Variants in SETBP1 observed in about 807,000 individuals in gnomAD.
SETBP1 encodes SET-binding protein.
Under a neutral mutation model 101.0 loss-of-function variants are expected in SETBP1, and 9 were observed. The observed-to-expected ratio is 0.09, with a 90% CI of 0.05 to 0.16. The LOEUF (loss-of-function observed/expected upper bound fraction) is 0.16, where lower values mean the gene tolerates loss of function less well. Among genes scored for constraint, SETBP1 ranks in the 10% least tolerant of loss-of-function variants. The pLI is 1.00. For synonymous variants in SETBP1, 818 were observed against 788.5 expected, an observed-to-expected ratio of 1.04 and a Z score of -0.63; for missense variants, 1,858 against 2,033.8, an observed-to-expected ratio of 0.91 and a Z score of 1.66.
intron 2 of SETBP1, among the ~76,000 whole-genome samples, chr18:44,836,736 G>A (rs2072502322): frequency 6.6e-6 from 1 of 152,196 alleles, no homozygotes; most frequent in South Asian, 2.1e-4. Context: ...TGAACTTACC[G>A]AGGACTGGGG....
At chr18:44,989,848 G>A (rs1309369147) in intron 4 of SETBP1, among the ~76,000 whole-genome samples, 4 of 110,362 alleles carry the variant, frequency 3.6e-5, no homozygotes, top group Middle Eastern at 7.2e-3. Flanking sequence ...CAGCCTGGGC[G>A]ACAGAGCGAG....
chr18:44,731,690 C>T (rs1301116984), intron 2 of SETBP1, among the ~76,000 whole-genome samples: 1 of 152,060 alleles, frequency 6.6e-6, no homozygotes, highest in Non-Finnish European at 1.5e-5. Context: ...TTATATGCTC[C>T]ATAACCTGAA....
chr18:44,851,137 C>T (rs2072850012), intron 2 of SETBP1, among the ~76,000 whole-genome samples: 1 of 152,152 alleles, frequency 6.6e-6, no homozygotes, highest in African/African-American at 2.4e-5. Flanking sequence ...TCATTATCAT[C>T]ATCAAAAGTT....
intron 3 of SETBP1, among the ~76,000 whole-genome samples, chr18:44,923,742 C>T (rs1348519585): frequency 6.6e-6 from 1 of 152,154 alleles, no homozygotes; most frequent in Non-Finnish European, 1.5e-5. Context: ...ATTACTTAAC[C>T]TCCCCTTATG....
In SETBP1 at chr18:44,952,606, C is replaced by T. The variant is rs766521949; in HGVS notation, c.3266C>T (p.Thr1089Ile). The change falls in exon 4 of 6, where the codon ACA becomes ATA. Residue 1089 changes from threonine to isoleucine, a missense_variant. This residue lies in a region of SETBP1 where 255 missense variants were observed against 300.1 expected (regional missense o/e 0.85). Coordinates refer to ENST00000649279, the MANE Select transcript of SETBP1 (RefSeq NM_015559.3). Reference sequence around the variant, plus strand: ...GCAGCTTCCCCATTCATGAGGCCAACAGTGCCACCACCTCAGTTCCACACA... The same window carrying T: ...GCAGCTTCCCCATTCATGAGGCCAATAGTGCCACCACCTCAGTTCCACACA... ...LGAASPFMRP[T>I]VPPPQFHTNS... 1.8e-5 allele frequency: 29 copies of T among 1,613,356 alleles called. No individual in the cohort carries two copies. The highest frequency in any genetic ancestry group is 2.5e-5 in the Non-Finnish European group (29 of 1,179,596).
chr18:44,770,196 C>T (rs907582866), intron 2 of SETBP1, among the ~76,000 whole-genome samples: 4 of 152,168 alleles, frequency 2.6e-5, no homozygotes, highest in African/African-American at 7.2e-5. Flanking sequence ...AGAAGAGTTT[C>T]TGTGGAAGCA....
intron 5 of SETBP1, among the ~76,000 whole-genome samples, chr18:45,050,467 A>T (rs915669988): frequency 8.5e-5 from 13 of 152,240 alleles, no homozygotes; most frequent in Non-Finnish European, 1.5e-5. Flanking sequence ...GACATAAGGA[A>T]AAACCTCACT....
chr18:44,736,511 G>C (rs943857784), intron 2 of SETBP1, among the ~76,000 whole-genome samples: 1 of 152,154 alleles, frequency 6.6e-6, no homozygotes, highest in Non-Finnish European at 1.5e-5. Flanking sequence ...CTGTCATCTT[G>C]TCTAGAAAAC....
intron 4 of SETBP1, among the ~76,000 whole-genome samples, chr18:44,985,101 A>G (rs2072202411): frequency 6.6e-6 from 1 of 152,188 alleles, no homozygotes; most frequent in African/African-American, 2.4e-5. Flanking sequence ...AGATCATGCC[A>G]TTGCACTCCA....
chr18:44,976,666 A>G (rs1344874444), intron 4 of SETBP1, among the ~76,000 whole-genome samples: 1 of 152,196 alleles, frequency 6.6e-6, no homozygotes, highest in African/African-American at 2.4e-5. Context: ...AGGCTTCCAA[A>G]TTCCCAGACT....
chr18:44,705,918 C>T (rs1040526298), intron 2 of SETBP1, among the ~76,000 whole-genome samples: 1 of 152,174 alleles, frequency 6.6e-6, no homozygotes, highest in African/African-American at 2.4e-5. Flanking sequence ...CTCAAGGATG[C>T]ACGGACTCTT....
intron 3 of SETBP1, among the ~76,000 whole-genome samples, chr18:44,928,819 T>G (rs1168353636): frequency 7.2e-5 from 11 of 152,254 alleles, no homozygotes; most frequent in African/African-American, 2.4e-4. Context: ...CTTTGTAGAT[T>G]CTAGGTATTA....
At chr18:45,059,860 G>A (rs947381295) in intron 5 of SETBP1, among the ~76,000 whole-genome samples, 1 of 152,100 alleles carries the variant, frequency 6.6e-6, no homozygotes, top group Non-Finnish European at 1.5e-5. Flanking sequence ...GGTTGCCTTG[G>A]GGGGAAGTAG....
chr18:44,761,722 A>G (rs1303082944), intron 2 of SETBP1, among the ~76,000 whole-genome samples: 1 of 152,246 alleles, frequency 6.6e-6, no homozygotes, highest in Non-Finnish European at 1.5e-5. Flanking sequence ...TTTATGCCAT[A>G]CACATATTGC....
At chr18:44,700,889 T>G (rs1392361969) in intron 1 of SETBP1, among the ~76,000 whole-genome samples, 1 of 152,224 alleles carries the variant, frequency 6.6e-6, no homozygotes, top group East Asian at 1.9e-4. Flanking sequence ...TAAAGAAACC[T>G]CTAGCTTGCT....
intron 2 of SETBP1, among the ~76,000 whole-genome samples, chr18:44,728,117 C>A (rs1444776705): frequency 1.3e-5 from 2 of 152,234 alleles, no homozygotes; most frequent in African/African-American, 4.8e-5. Flanking sequence ...TATGCTAATT[C>A]TGAGAGACAG....
At chr18:45,036,654 A>G (rs1423328729) in intron 4 of SETBP1, among the ~76,000 whole-genome samples, 1 of 152,196 alleles carries the variant, frequency 6.6e-6, no homozygotes, top group African/African-American at 2.4e-5. Flanking sequence ...AAAAGCATAA[A>G]TGGCATTTTT....
intron 2 of SETBP1, among the ~76,000 whole-genome samples, chr18:44,744,778 A>AAC (rs1555675760): frequency 7.8e-6 from 1 of 128,592 alleles, no homozygotes; most frequent in Non-Finnish European, 1.8e-5. Context: ...TTAAAAAAAA[A>AAC]AAAACAAAAA....
Position 45,063,817 on chromosome 18 carries a change from C to G in SETBP1, c.*119C>G, listed in dbSNP as rs986552999. On this transcript the variant is annotated 3_prime_UTR_variant, in exon 6 of 6. Transcript: ENST00000649279. ...CACCCACGCCCTTCTCTCCAGAAGC[C>G]GGGCAGGCAGAATCCGGCCAGACGA... The G allele has an allele frequency of 1.6e-6, 2 of 1,222,120 alleles. No individual in the cohort carries two copies. The allele number at this position is 1,222,120 out of a possible 1,614,324, so 75.7% of individuals were successfully genotyped here.
Sources: gnomAD v4.1 joint callset for allele counts (sites outside exome capture counted in the v4.1 genomes callset) on GRCh38, gnomAD v4.1.1 for gene constraint, gnomAD v4.1.1 regional missense constraint, MANE v1.5 for transcripts, NCBI Gene and HGNC (gene_info 2026-07-23, HGNC 2026-07-21) for gene names.